The following DLG2 variants were observed in gnomAD, a reference collection of about 807,000 sequenced individuals.
The protein encoded by DLG2 is disks large homolog 2.
Under a neutral mutation model 132.5 loss-of-function variants are expected in DLG2, and 45 were observed. The ratio of observed to expected loss-of-function variants is 0.34; its 90% CI spans 0.27 to 0.44. DLG2 has a LOEUF of 0.44. Ranked by LOEUF, DLG2 falls within the 20% of genes least tolerant of loss-of-function variation. The pLI is 1.00. For missense variants in DLG2, 1,045 were observed against 1,196.9 expected, an observed-to-expected ratio of 0.87 and a Z score of 1.87; for synonymous variants, 424 against 419.6, an observed-to-expected ratio of 1.01 and a Z score of -0.13.
intron 14 of DLG2, among the ~76,000 whole-genome samples, chr11:83,949,548 A>C (rs2084892197): frequency 6.6e-6 from 1 of 152,162 alleles, no homozygotes; most frequent in African/African-American, 2.4e-5. Flanking sequence ...TCTTAATTAC[A>C]GGTAAAGAAA....
chr11:83,698,265 T>C (rs1039856844), intron 18 of DLG2, among the ~76,000 whole-genome samples: 2 of 152,222 alleles, frequency 1.3e-5, no homozygotes, highest in Non-Finnish European at 2.9e-5. Context: ...CTAAAAACCC[T>C]GTTTCAAACA....
intron 6 of DLG2, among the ~76,000 whole-genome samples, chr11:84,935,425 A>T (rs1363389828): frequency 6.6e-6 from 1 of 152,130 alleles, no homozygotes; most frequent in African/African-American, 2.4e-5. Flanking sequence ...CATGGTATAA[A>T]CCCAGCCTGA....
chr11:84,586,949 GT>G (rs2099531336), intron 6 of DLG2, among the ~76,000 whole-genome samples: 1 of 152,190 alleles, frequency 6.6e-6, no homozygotes, highest in Non-Finnish European at 1.5e-5. Flanking sequence ...ACCTTGATGG[GT>G]TTTCAAAGCT....
At chr11:84,125,357 T>C (rs2094127238) in intron 9 of DLG2, among the ~76,000 whole-genome samples, 1 of 152,160 alleles carries the variant, frequency 6.6e-6, no homozygotes, top group South Asian at 2.1e-4. Flanking sequence ...ATAACAGAAG[T>C]TGCCATGTAC....
At chr11:84,129,711 A>C (rs1218648854) in intron 9 of DLG2, among the ~76,000 whole-genome samples, 1 of 152,066 alleles carries the variant, frequency 6.6e-6, no homozygotes, top group African/African-American at 2.4e-5. Context: ...CTGAAGAGAT[A>C]ATAGTAACCT....
At chr11:84,483,880 C>A (rs979139916) in intron 7 of DLG2, among the ~76,000 whole-genome samples, 1 of 152,190 alleles carries the variant, frequency 6.6e-6, no homozygotes, top group Non-Finnish European at 1.5e-5. Context: ...AGTGAGGCAA[C>A]CAACTCTTGC....
At chr11:84,334,028 T>C (rs771000273) in intron 7 of DLG2, among the ~76,000 whole-genome samples, 7 of 152,196 alleles carry the variant, frequency 4.6e-5, no homozygotes, top group Non-Finnish European at 1.0e-4. Context: ...GAGACACTTC[T>C]ACATATGCTG....
intron 3 of DLG2, among the ~76,000 whole-genome samples, chr11:85,350,475 T>G (rs1183793542): frequency 6.6e-6 from 1 of 152,230 alleles, no homozygotes; most frequent in Non-Finnish European, 1.5e-5. Context: ...AGTCATGAAG[T>G]CCTTGCCCAT....
At chr11:85,259,031 C>G (rs2076806868) in intron 4 of DLG2, among the ~76,000 whole-genome samples, 1 of 152,164 alleles carries the variant, frequency 6.6e-6, no homozygotes, top group South Asian at 2.1e-4. Flanking sequence ...GAGGTTCTGT[C>G]ACCCCTTACT....
rs538788070 is a variant in DLG2, at chr11:84,115,666, G to A, written c.625-16619C>T. The stretch of plus-strand genomic sequence containing the variant: ...TTATATCTACCTCTAGCATTTTTAC[G>A]TCCTTATTCTTCAGATCCCAGCTCA... On this transcript the variant is annotated intron_variant, in intron 9 of 27. Coordinates refer to ENST00000376104, the MANE Select transcript of DLG2 (RefSeq NM_001142699.3). Among the ~76,000 whole-genome samples, 31 of 152,046 alleles carry A rather than the reference G, an allele frequency of 2.0e-4. No individual in the cohort carries two copies. The East Asian group carries it at 3.7e-3, about 18-fold the overall frequency.
intron 7 of DLG2, among the ~76,000 whole-genome samples, chr11:84,359,881 G>A (rs2098639577): frequency 6.6e-6 from 1 of 151,848 alleles, no homozygotes; most frequent in Admixed American, 6.6e-5. Context: ...TGGCAATTCA[G>A]TTCATCGAAC....
At chr11:85,123,002 G>A (rs35601316) in intron 5 of DLG2, among the ~76,000 whole-genome samples, 1 of 38,682 alleles carries the variant, frequency 2.6e-5, no homozygotes, top group African/African-American at 9.3e-5. Context: ...TTTTGAGACA[G>A]AGTCTCGCTC....
chr11:85,341,763 T>C (rs1356270194), intron 3 of DLG2, among the ~76,000 whole-genome samples: 5 of 152,206 alleles, frequency 3.3e-5, no homozygotes, highest in Non-Finnish European at 7.3e-5. Context: ...ATAAAAATCA[T>C]AGAGTGTACT....
At chr11:85,463,808 G>A (rs887045720) in intron 3 of DLG2, among the ~76,000 whole-genome samples, 7 of 151,782 alleles carry the variant, frequency 4.6e-5, no homozygotes, top group African/African-American at 1.7e-4. Flanking sequence ...TCAGATATTG[G>A]TATTGAGTAC....
intron 11 of DLG2, among the ~76,000 whole-genome samples, chr11:84,057,226 A>C (rs2096519505): frequency 6.6e-6 from 1 of 152,150 alleles, no homozygotes; most frequent in African/African-American, 2.4e-5. Flanking sequence ...TGGTAAAATT[A>C]AGTTTTAGTC....
chr11:85,411,014 A>G (rs1307563453), intron 3 of DLG2, among the ~76,000 whole-genome samples: 1 of 151,888 alleles, frequency 6.6e-6, no homozygotes, highest in Admixed American at 6.6e-5. Flanking sequence ...CTAGGAAGGC[A>G]TAGCTAATTT....
intron 6 of DLG2, among the ~76,000 whole-genome samples, chr11:84,971,354 G>A (rs893104105): frequency 2.6e-5 from 4 of 152,210 alleles, no homozygotes; most frequent in Non-Finnish European, 5.9e-5. Context: ...GAAAAAGTAA[G>A]ATGATGTGTT....
chr11:85,268,152 TC>T (rs2152729193), intron 4 of DLG2, among the ~76,000 whole-genome samples: 1 of 152,284 alleles, frequency 6.6e-6, no homozygotes, highest in Non-Finnish European at 1.5e-5. Flanking sequence ...ACTGACACGT[TC>T]TTCATGCATG....
At chr11:84,845,657 T>C (rs2081365645) in intron 6 of DLG2, among the ~76,000 whole-genome samples, 1 of 151,192 alleles carries the variant, frequency 6.6e-6, no homozygotes, top group Non-Finnish European at 1.5e-5. Context: ...AACACTTCCT[T>C]CATTTGAATT....
Sources: gnomAD v4.1 joint callset for allele counts (sites outside exome capture counted in the v4.1 genomes callset) on GRCh38, gnomAD v4.1.1 for gene constraint, MANE v1.5 for transcripts, NCBI Gene and HGNC (gene_info 2026-07-23, HGNC 2026-07-21) for gene names.